SORCS1: variants seen among roughly 807,000 people sequenced by gnomAD.
The protein encoded by SORCS1 is VPS10 domain-containing receptor SorCS1.
A neutral mutation model predicts 146.1 loss-of-function variants in SORCS1; 60 were observed. The observed-to-expected ratio is 0.41, with a 90% confidence interval of 0.33 to 0.51. SORCS1 has a LOEUF of 0.51. Among genes scored for constraint, SORCS1 ranks in the 20% least tolerant of loss-of-function variants. The pLI is 0.21. For synonymous variants in SORCS1, 637 were observed against 584.0 expected (o/e 1.09, Z -1.31); for missense variants, 1,352 against 1,487.6 (o/e 0.91, Z 1.50).
At chr10:107,172,146 TC>T in the SORCS1 span, among the ~76,000 whole-genome samples, 1 of 152,218 alleles carries the variant, frequency 6.6e-6, no homozygotes, top group African/African-American at 2.4e-5. Flanking sequence ...GCAGCCAAAA[TC>T]TTTTTCTCCA....
chr10:106,711,094 CTTTT>C (rs373685121), intron 6 of SORCS1, among the ~76,000 whole-genome samples: 242 of 152,246 alleles, frequency 1.6e-3, no homozygotes, highest in African/African-American at 5.4e-3. Context: ...AGACAAATGC[CTTTT>C]TTGTTTTTGT....
chr10:106,629,480 C>T (rs1419379051), intron 18 of SORCS1, 92 bp from the exon 19 acceptor site: 4 of 1,377,566 alleles, frequency 2.9e-6, no homozygotes, highest in Non-Finnish European at 4.0e-6. Flanking sequence ...TAGTCCCTGG[C>T]TCAGGCATGA....
intron 1 of SORCS1, among the ~76,000 whole-genome samples, chr10:106,989,560 T>C (rs78496159): frequency 0.22 from 33,526 of 151,832 alleles, 4,458 homozygotes; most frequent in Middle Eastern, 0.33. Context: ...CTCCCCCTTC[T>C]TGCATAGGGC....
At chr10:107,104,622 T>C (rs191036306) in intron 1 of SORCS1, among the ~76,000 whole-genome samples, 9 of 152,314 alleles carry the variant, frequency 5.9e-5, no homozygotes, top group Admixed American at 5.2e-4. Context: ...GAGATGTCCA[T>C]TCCAGGGAGG....
intron 2 of SORCS1, among the ~76,000 whole-genome samples, chr10:106,908,444 C>A (rs1952007128): frequency 1.3e-5 from 2 of 152,174 alleles, no homozygotes; most frequent in Admixed American, 1.3e-4. Context: ...CCGCTGGATC[C>A]TCTTTTATTC....
At chr10:106,710,793 T>C (rs963116887) in intron 6 of SORCS1, among the ~76,000 whole-genome samples, 7 of 152,308 alleles carry the variant, frequency 4.6e-5, no homozygotes, top group African/African-American at 1.7e-4. Flanking sequence ...CTACTCTCTC[T>C]GTGATTCTTC....
chr10:106,616,431 G>A (rs533652217), intron 21 of SORCS1, among the ~76,000 whole-genome samples: 1 of 152,282 alleles, frequency 6.6e-6, no homozygotes, highest in East Asian at 1.9e-4. Context: ...GCTAGCTGGG[G>A]CAAGTTATTC....
At chr10:106,581,677 T>C (rs1347320036) in intron 24 of SORCS1, among the ~76,000 whole-genome samples, 1 of 152,160 alleles carries the variant, frequency 6.6e-6, no homozygotes, top group Non-Finnish European at 1.5e-5. Flanking sequence ...ACAGCCAGTC[T>C]TATTTTATCC....
intron 2 of SORCS1, among the ~76,000 whole-genome samples, chr10:106,911,320 C>T (rs1952139035): frequency 6.6e-6 from 1 of 152,182 alleles, no homozygotes; most frequent in Admixed American, 6.5e-5. Context: ...CAGAGTGTAC[C>T]ACCATCCGGT....
intron 1 of SORCS1, among the ~76,000 whole-genome samples, chr10:107,017,840 T>G (rs1957963974): frequency 6.6e-6 from 1 of 151,814 alleles, no homozygotes; most frequent in Non-Finnish European, 1.5e-5. Context: ...TTTTTTGTAG[T>G]TTTTTAGTAG....
At chr10:106,600,618 G>C (rs1846181144) in intron 23 of SORCS1, 1 of 985,146 alleles carries the variant, frequency 1.0e-6, no homozygotes, top group African/African-American at 1.7e-5. Context: ...CATTATATAT[G>C]CTGTGAACAC....
chr10:106,905,830 A>G (rs933703985), intron 2 of SORCS1, among the ~76,000 whole-genome samples: 6 of 152,228 alleles, frequency 3.9e-5, no homozygotes, highest in African/African-American at 1.2e-4. Context: ...TGCTAACTCT[A>G]TCAAACATTG....
chr10:106,794,523 G>A (rs890492938), intron 3 of SORCS1, among the ~76,000 whole-genome samples: 4 of 124,074 alleles, frequency 3.2e-5, no homozygotes, highest in Non-Finnish European at 5.0e-5. Flanking sequence ...TTTTTTTTGA[G>A]ACAGAGTCTC....
chr10:107,134,849 T>A (rs1163022787), intron 1 of SORCS1, among the ~76,000 whole-genome samples: 1 of 152,220 alleles, frequency 6.6e-6, no homozygotes, highest in Non-Finnish European at 1.5e-5. Context: ...GCTCAGATGA[T>A]GTCCTGGGCC....
At chr10:106,927,555 C>A (rs546923666) in intron 2 of SORCS1, among the ~76,000 whole-genome samples, 1 of 152,286 alleles carries the variant, frequency 6.6e-6, no homozygotes, top group African/African-American at 2.4e-5. Context: ...ACTGCTAGCT[C>A]GGGCAGCCTG....
rs545334431 is a variant in SORCS1 at position 106,902,862 on chromosome 10, A to G, written c.626+53651T>C. 4.6e-5 allele frequency among the ~76,000 whole-genome samples: 7 copies of G among 152,334 alleles called. No homozygotes were observed. The East Asian group carries it at 1.4e-3, about 29-fold the overall frequency. On this transcript the variant is annotated intron_variant, in intron 2 of 25. Coordinates refer to ENST00000263054, the MANE Select transcript of SORCS1 (RefSeq NM_052918.5). ...GGGAGGCCAAGGCGAGTGGATCACA[A>G]GGTCAGGAGATTGAGATCATCCTGG...
At chr10:106,757,156 C>A (rs1858709659) in intron 5 of SORCS1, among the ~76,000 whole-genome samples, 1 of 152,144 alleles carries the variant, frequency 6.6e-6, no homozygotes. Context: ...AATTATTTCA[C>A]AATTGCTATT....
At chr10:106,694,721 G>A (rs1258969306) in intron 9 of SORCS1, among the ~76,000 whole-genome samples, 6 of 152,148 alleles carry the variant, frequency 3.9e-5, no homozygotes, top group Admixed American at 3.9e-4. Flanking sequence ...ATAACGTACA[G>A]AAGACACTGT....
At chr10:106,677,081 T>C (rs1393580066) in intron 13 of SORCS1, among the ~76,000 whole-genome samples, 1 of 152,196 alleles carries the variant, frequency 6.6e-6, no homozygotes, top group Non-Finnish European at 1.5e-5. Context: ...TTGGGACTGA[T>C]TGCCCATATC....
Sources: allele counts gnomAD v4.1 joint callset (sites outside exome capture counted in the v4.1 genomes callset), GRCh38; gene constraint gnomAD v4.1.1; transcripts MANE v1.5; gene names NCBI Gene and HGNC (gene_info 2026-07-23, HGNC 2026-07-21).